The following SNX7 variants were observed in gnomAD, a reference collection of about 807,000 sequenced individuals.
The protein encoded by SNX7 is sorting nexin-7.
A neutral mutation model predicts 48.4 loss-of-function variants in SNX7; 35 were observed. That is an observed-to-expected ratio of 0.72 (90% CI 0.55 to 0.96). The LOEUF (loss-of-function observed/expected upper bound fraction) is 0.96, where lower values mean the gene tolerates loss of function less well. Ranked by LOEUF, SNX7 falls within the 40% of genes least tolerant of loss-of-function variation. The pLI, the probability that SNX7 is intolerant of heterozygous loss-of-function variation, is 0.00. For synonymous variants in SNX7, 190 were observed against 190.2 expected, an observed-to-expected ratio of 1.00 and a Z score of 0.01; for missense variants, 553 against 548.9, an observed-to-expected ratio of 1.01 and a Z score of -0.07.
chr1:98,682,099 ACTTCCTTTTTTT>A (rs58878708), intron 1 of SNX7, among the ~76,000 whole-genome samples: 40,612 of 150,848 alleles, frequency 0.27, 5,629 homozygotes, highest in Non-Finnish European at 0.3. Flanking sequence ...TCCTTCTTTT[ACTTCCTTTTTTT>A]AATTCCCTTT....
chr1:98,662,855 G>A, intron 1 of SNX7: 9 of 1,288,258 alleles, frequency 7.0e-6, no homozygotes, highest in Non-Finnish European at 9.1e-6. Context: ...CATTTACTCT[G>A]GGAGAGCAAA....
intron 1 of SNX7, among the ~76,000 whole-genome samples, chr1:98,674,157 A>C (rs1041564894): frequency 1.3e-5 from 2 of 152,198 alleles, no homozygotes; most frequent in African/African-American, 4.8e-5. Context: ...GAAATATTTT[A>C]ATCATGATTT....
intron 7 of SNX7, among the ~76,000 whole-genome samples, chr1:98,702,480 T>C (rs1278207976): frequency 6.6e-6 from 1 of 152,186 alleles, no homozygotes; most frequent in Non-Finnish European, 1.5e-5. Flanking sequence ...TTTTTTATTG[T>C]CTCTCCTCAT....
intron 4 of SNX7, among the ~76,000 whole-genome samples, chr1:98,693,047 CAT>C (rs906740764): frequency 1.3e-4 from 20 of 152,164 alleles, no homozygotes; most frequent in African/African-American, 4.6e-4. Context: ...AAAAAGTCCA[CAT>C]GTGTGGACCT....
chr1:98,662,760 A>G (rs1430206281), intron 1 of SNX7: 17 of 1,289,362 alleles, frequency 1.3e-5, no homozygotes, highest in Non-Finnish European at 1.7e-5. Context: ...TTCAGATCAC[A>G]ACGCTGTATT....
At chr1:98,664,611 G>A (rs774192775) in intron 1 of SNX7, among the ~76,000 whole-genome samples, 83 of 152,022 alleles carry the variant, frequency 5.5e-4, no homozygotes, top group African/African-American at 1.9e-3. Flanking sequence ...TTTGTGTTAA[G>A]TATGCTTTAA....
chr1:98,671,344 A>G (rs1649852687), intron 1 of SNX7, among the ~76,000 whole-genome samples: 1 of 152,164 alleles, frequency 6.6e-6, no homozygotes, highest in African/African-American at 2.4e-5. Context: ...AAGCTGGATA[A>G]TAGTGTGTTA....
At chr1:98,722,237 T>C (rs1179956703) in intron 7 of SNX7, among the ~76,000 whole-genome samples, 1 of 152,154 alleles carries the variant, frequency 6.6e-6, no homozygotes, top group Non-Finnish European at 1.5e-5. Context: ...GCAGTGGGTT[T>C]CAGAGAGAGA....
At chr1:98,721,533 G>T (rs1652871553) in intron 7 of SNX7, among the ~76,000 whole-genome samples, 1 of 151,986 alleles carries the variant, frequency 6.6e-6, no homozygotes, top group African/African-American at 2.4e-5. Flanking sequence ...TTCAAAATAA[G>T]TCACTTTTAT....
intron 8 of SNX7, among the ~76,000 whole-genome samples, chr1:98,748,308 T>C (rs530561371): frequency 4.5e-4 from 69 of 152,112 alleles, no homozygotes; most frequent in African/African-American, 1.7e-3. Flanking sequence ...TCTTAAAAAC[T>C]TCAATTGAAA....
chr1:98,692,407 A>G (rs374091477), intron 4 of SNX7, among the ~76,000 whole-genome samples: 68 of 152,284 alleles, frequency 4.5e-4, no homozygotes, highest in Non-Finnish European at 7.6e-4. Context: ...ACCTCAGTCT[A>G]TGGTACTTAG....
At position 98,698,798 on chromosome 1, in the gene SNX7, A is replaced by G. The variant is rs1362469511; in HGVS notation, c.931A>G (p.Ser311Gly). The part of the protein sequence containing the change: ...DLVDTLKDVA[S>G]CIDRCCKATE... Reference sequence around the variant, plus strand: ...GGTTGATACTCTAAAGGATGTTGCCAGCTGCATTGACAGATGCTGTAAGGC... The same window carrying G: ...GGTTGATACTCTAAAGGATGTTGCCGGCTGCATTGACAGATGCTGTAAGGC... Residue 311 changes from serine to glycine, a missense_variant, in exon 6 of 9, where the codon AGC becomes GGC. By Grantham distance (56) the Ser-to-Gly change is moderately conservative. Transcript: ENST00000306121. The G allele has an allele frequency of 1.5e-5, 24 of 1,613,692 alleles. No homozygotes were observed. Among genetic ancestry groups the G allele is most frequent in the Non-Finnish European group, 1.9e-5 (23 of 1,179,812 alleles).
chr1:98,694,294 C>A (rs529335329), intron 4 of SNX7, among the ~76,000 whole-genome samples: 3 of 147,654 alleles, frequency 2.0e-5, no homozygotes, highest in African/African-American at 7.5e-5. Context: ...GGCATGAACC[C>A]GGGAGGCGGA....
chr1:98,687,305 T>A (rs895707344), intron 2 of SNX7, among the ~76,000 whole-genome samples: 1 of 152,138 alleles, frequency 6.6e-6, no homozygotes, highest in Non-Finnish European at 1.5e-5. Context: ...TCTATTATAT[T>A]TTTGTGCATT....
intron 8 of SNX7, among the ~76,000 whole-genome samples, chr1:98,749,642 T>A (rs1267272942): frequency 1.3e-5 from 2 of 152,106 alleles, no homozygotes; most frequent in African/African-American, 4.8e-5. Context: ...CAACTCTAAT[T>A]TCCAGATTGA....
chr1:98,661,764 C>T lies in SNX7; in HGVS notation c.33C>T (p.Pro11=), dbSNP rs1342531921. MEGERRASQA[P]SSGLPAGGAN... is the part of the protein sequence containing the mutation. ...GCGAGCGCCGGGCATCGCAGGCGCC[C>T]TCCTCGGGCCTCCCGGCCGGGGGCG... The change falls in exon 1 of 9, where the codon CCC becomes CCT. Residue 11 remains proline (P), a synonymous_variant. Coordinates refer to ENST00000306121, the MANE Select transcript of SNX7 (RefSeq NM_015976.5). 6.9e-5 allele frequency: 85 copies of T among 1,239,902 alleles called. No individual in the cohort carries two copies. The highest frequency in any genetic ancestry group is 7.7e-5 in the Non-Finnish European group (76 of 985,602). The allele number at this position is 1,239,902 out of a possible 1,614,324, so 76.8% of individuals were successfully genotyped here. A position where few individuals can be genotyped will look rare whatever the true frequency, so the allele number is the denominator to read the frequency against.
chr1:98,759,936 G>T (rs960361785), intron 8 of SNX7, 118 bp from the exon 9 acceptor site: 6 of 649,508 alleles, frequency 9.2e-6, no homozygotes, highest in Non-Finnish European at 1.1e-5. Flanking sequence ...CTGACAAGCT[G>T]ATGGGAGAGA....
At chr1:98,684,750 TCAGTATACCACATTTAACTAAAAGTC>T (rs1229256996) in intron 1 of SNX7, 109 bp from the exon 2 acceptor site, 23 of 537,732 alleles carry the variant, frequency 4.3e-5, no homozygotes, top group Non-Finnish European at 6.9e-5. Flanking sequence ...AAATACATGT[TCAGTATACCACATTTAACTAAAAGTC>T]CAATAATCCC....
At chr1:98,713,684 G>A (rs1652438793) in intron 7 of SNX7, among the ~76,000 whole-genome samples, 1 of 152,076 alleles carries the variant, frequency 6.6e-6, no homozygotes, top group Non-Finnish European at 1.5e-5. Context: ...GCCATTGTAG[G>A]GTTATTAATT....
Sources: allele counts gnomAD v4.1 joint callset (sites outside exome capture counted in the v4.1 genomes callset), GRCh38; gene constraint gnomAD v4.1.1; transcripts MANE v1.5; gene names NCBI Gene and HGNC (gene_info 2026-07-23, HGNC 2026-07-21).